The following GCM1 variants were observed in gnomAD, a reference collection of about 807,000 sequenced individuals.
The protein encoded by GCM1 is GCM transcription factor 1, also known as chorion-specific transcription factor GCMa.
Under a neutral mutation model 25.7 loss-of-function variants are expected in GCM1, and 2 were observed. The ratio of observed to expected loss-of-function variants is 0.08; its 90% CI spans 0.03 to 0.24. The LOEUF is 0.24. Among genes scored for constraint, GCM1 ranks in the 10% least tolerant of loss-of-function variants. GCM1 has a pLI of 1.00. For synonymous variants in GCM1, 183 were observed against 195.7 expected, an observed-to-expected ratio of 0.94 and a Z score of 0.54; for missense variants, 395 against 538.7, an observed-to-expected ratio of 0.73 and a Z score of 2.64.
chr6:53,138,451 G>A (rs1394523853), intron 2 of GCM1, among the ~76,000 whole-genome samples: 1 of 152,020 alleles, frequency 6.6e-6, no homozygotes, highest in African/African-American at 2.4e-5. Context: ...GAAATTAAGA[G>A]AAAACCCAGA....
rs143869113 is a variant in GCM1, at chr6:53,131,296, G to T, written c.442-365C>A. Among the ~76,000 whole-genome samples the T allele has an allele frequency of 1.6e-3, 243 of 152,322 alleles. 1 individual carries two copies. Among genetic ancestry groups the T allele is most frequent in the African/African-American group, 5.5e-3 (229 of 41,558 alleles). On this transcript the variant is annotated intron_variant, in intron 4 of 5. Coordinates refer to ENST00000259803, the MANE Select transcript of GCM1 (RefSeq NM_003643.4). The stretch of plus-strand genomic sequence containing the variant: ...CCAGTTTACAGAACAGGAAACTGAG[G>T]CATGGAGTGATTACGCCAGCTGGGT...
intron 2 of GCM1, among the ~76,000 whole-genome samples, chr6:53,134,676 T>C (rs1458279481): frequency 3.9e-5 from 6 of 152,294 alleles, no homozygotes; most frequent in African/African-American, 1.4e-4. Flanking sequence ...ACAATAACTA[T>C]AGAAAACAGG....
chr6:53,132,872 G>GA (rs1423234420), intron 3 of GCM1, among the ~76,000 whole-genome samples: 1 of 152,172 alleles, frequency 6.6e-6, no homozygotes, highest in Non-Finnish European at 1.5e-5. Context: ...AAACTACTGG[G>GA]AAAAATATAA....
chr6:53,136,759 G>C (rs1282990385), intron 2 of GCM1, among the ~76,000 whole-genome samples: 1 of 152,180 alleles, frequency 6.6e-6, no homozygotes, highest in African/African-American at 2.4e-5. Context: ...TGGATCACCT[G>C]AGGTCAGGAG....
At chr6:53,129,551 G>A (rs1763694920) in intron 5 of GCM1, among the ~76,000 whole-genome samples, 1 of 152,186 alleles carries the variant, frequency 6.6e-6, no homozygotes, top group Non-Finnish European at 1.5e-5. Context: ...TGGGATTAGA[G>A]GCATAAGCCA....
At chr6:53,136,462 G>T (rs936360731) in intron 2 of GCM1, among the ~76,000 whole-genome samples, 1 of 152,132 alleles carries the variant, frequency 6.6e-6, no homozygotes, top group Non-Finnish European at 1.5e-5. Flanking sequence ...TACCCCACAG[G>T]GAGGTTTTGA....
At chr6:53,133,331 A>ATATGTG (rs1763751897) in intron 3 of GCM1, among the ~76,000 whole-genome samples, 1 of 145,118 alleles carries the variant, frequency 6.9e-6, no homozygotes, top group Non-Finnish European at 1.5e-5. Context: ...CACCCGGCAA[A>ATATGTG]TGTGTGTGTG....
At position 53,128,153 on chromosome 6, in the gene GCM1, T is replaced by G. The variant is rs556820693; in HGVS notation, c.*53A>C. ...AAAATTATTTCCTAAGGAAATTCTT[T>G]CAGCCCTTCCCCATTTTTGAGGGGC... is the stretch of plus-strand genomic sequence containing the variant. On this transcript the variant is annotated 3_prime_UTR_variant, in exon 6 of 6. Transcript: ENST00000259803. 7.1e-7 allele frequency: 1 copy of G among 1,416,222 alleles called. No homozygotes were observed. Among genetic ancestry groups the G allele is most frequent in the Admixed American group, 2.0e-5 (1 of 50,200 alleles). 87.7% of individuals were successfully genotyped at this position (1,416,222 alleles called of 1,614,324 possible). A position where few individuals can be genotyped will look rare whatever the true frequency, so the allele number is the denominator to read the frequency against.
At chr6:53,136,400 C>A (rs1763800990) in intron 2 of GCM1, among the ~76,000 whole-genome samples, 1 of 152,192 alleles carries the variant, frequency 6.6e-6, no homozygotes, top group South Asian at 2.1e-4. Flanking sequence ...TAATGACATT[C>A]TTTTCTTCTC....
In GCM1 at chr6:53,145,498, G is replaced by A. The variant is rs1246506857; in HGVS notation, c.75+60C>T. 3 of 885,976 alleles carry A rather than the reference G, an allele frequency of 3.4e-6. No individual in the cohort carries two copies. The African/African-American group carries it at 4.9e-5, about 15-fold the overall frequency. The allele number at this position is 885,976 out of a possible 1,614,324, so 54.9% of individuals were successfully genotyped here. Reference sequence around the variant, plus strand: ...CCAATTTCCTTCCAGGTCTCCGCATGTTAATAGTCAAGACTTCACAGCCCA... The same window carrying A: ...CCAATTTCCTTCCAGGTCTCCGCATATTAATAGTCAAGACTTCACAGCCCA... On this transcript the variant is annotated intron_variant, in intron 2 of 5. Coordinates refer to ENST00000259803, the MANE Select transcript of GCM1 (RefSeq NM_003643.4).
Position 53,128,082 on chromosome 6 carries a change from TG to T in GCM1, c.*123del. 2.5e-6 allele frequency: 1 copy of T among 407,638 alleles called. No homozygotes were observed. The highest frequency in any genetic ancestry group is 4.2e-6 in the Non-Finnish European group (1 of 238,050). 25.3% of individuals were successfully genotyped at this position (407,638 alleles called of 1,614,324 possible). A position where few individuals can be genotyped will look rare whatever the true frequency, so the allele number is the denominator to read the frequency against. Reference sequence around the variant, plus strand: ...GGAAAAAAGAAAAAGAAAAAAGCCTTGTCTACTGCTTATCATGATTCTCATT... The same window carrying T: ...GGAAAAAAGAAAAAGAAAAAAGCCTTTCTACTGCTTATCATGATTCTCATT... On this transcript the variant is annotated 3_prime_UTR_variant, in exon 6 of 6. Coordinates refer to ENST00000259803, the MANE Select transcript of GCM1 (RefSeq NM_003643.4).
chr6:53,132,183 C>A, intron 3 of GCM1, 64 bp from the exon 4 acceptor site: 1 of 1,034,316 alleles, frequency 9.7e-7, no homozygotes, highest in South Asian at 1.3e-5. Flanking sequence ...GACTCCTGTG[C>A]AGTCTTGAAG....
intron 2 of GCM1, among the ~76,000 whole-genome samples, chr6:53,135,694 G>C (rs1367612370): frequency 6.6e-6 from 1 of 152,152 alleles, no homozygotes; most frequent in Non-Finnish European, 1.5e-5. Flanking sequence ...TTTTCATCTA[G>C]ACGGTTCTAG....
rs370953046 is a variant in GCM1 at position 53,130,852 on chromosome 6, G to T, written c.521C>A (p.Thr174Lys). ...GCTCAATGAGACGGAGGAAGGTGCT[G>T]TGTTCACTTTCTTCATGGCTCTTCT... ...EARRAMKKVN[T>K]APSSVSLSLK... The change falls in exon 5 of 6, where the codon ACA becomes AAA. Residue 174 changes from threonine to lysine, a missense_variant. Coordinates refer to ENST00000259803, the MANE Select transcript of GCM1 (RefSeq NM_003643.4). 6.2e-6 allele frequency: 10 copies of T among 1,613,684 alleles called. No homozygotes were observed. The East Asian group carries it at 1.6e-4, about 25-fold the overall frequency.
rs556497579 is a variant in GCM1 at position 53,140,839 on chromosome 6, C to T, written c.75+4719G>A. On this transcript the variant is annotated intron_variant, in intron 2 of 5. Transcript: ENST00000259803. The stretch of plus-strand genomic sequence containing the variant: ...AGATTCAAAGTTCTCTCAAGTATTA[C>T]AATCAGTACTAATGAGAGTGTGACA... 2.6e-5 allele frequency among the ~76,000 whole-genome samples: 4 copies of T among 152,278 alleles called. No individual in the cohort carries two copies. In the South Asian group the frequency reaches 8.3e-4, roughly 32 times the overall value.
intron 2 of GCM1, among the ~76,000 whole-genome samples, chr6:53,138,414 G>A (rs1763830531): frequency 6.6e-6 from 1 of 151,926 alleles, no homozygotes; most frequent in African/African-American, 2.4e-5. Flanking sequence ...TGGACATTTA[G>A]TAGGGTCTTT....
chr6:53,129,234 A>G (rs193024002), intron 5 of GCM1, among the ~76,000 whole-genome samples: 1 of 152,156 alleles, frequency 6.6e-6, no homozygotes, highest in East Asian at 1.9e-4. Context: ...TTTCACACTC[A>G]AACACAAATC....
intron 1 of GCM1, among the ~76,000 whole-genome samples, chr6:53,146,505 C>G (rs1763960391): frequency 6.6e-6 from 1 of 152,042 alleles, no homozygotes; most frequent in African/African-American, 2.4e-5. Context: ...CAGGCGTGAG[C>G]CACCGCACCC....
chr6:53,143,125 T>C (rs1208241927), intron 2 of GCM1, among the ~76,000 whole-genome samples: 1 of 152,200 alleles, frequency 6.6e-6, no homozygotes, highest in Non-Finnish European at 1.5e-5. Flanking sequence ...TACTAAGGAA[T>C]ATTTGCATTT....
Sources: allele counts gnomAD v4.1 joint callset (sites outside exome capture counted in the v4.1 genomes callset), GRCh38; gene constraint gnomAD v4.1.1; transcripts MANE v1.5; gene names NCBI Gene and HGNC (gene_info 2026-07-23, HGNC 2026-07-21).